The following ATP9B variants were observed in gnomAD, a reference collection of about 807,000 sequenced individuals.
The protein encoded by ATP9B is probable phospholipid-transporting ATPase IIB.
In ATP9B, 110 loss-of-function variants were observed where a neutral mutation model predicts 146.1. The ratio of observed to expected loss-of-function variants is 0.75; its 90% CI spans 0.65 to 0.88. ATP9B has a LOEUF of 0.88. Ranked by LOEUF, ATP9B falls within the 40% of genes least tolerant of loss-of-function variation. The probability of loss-of-function intolerance (pLI) is 0.00; values close to 1 mark genes in which losing one functional copy is unlikely to be tolerated. For missense variants in ATP9B, 1,499 were observed against 1,496.4 expected (o/e 1.00, Z -0.03); for synonymous variants, 604 against 569.7 (o/e 1.06, Z -0.86).
intron 13 of ATP9B, among the ~76,000 whole-genome samples, chr18:79,292,909 A>G (rs916699195): frequency 1.3e-5 from 2 of 152,076 alleles, no homozygotes; most frequent in Non-Finnish European, 2.9e-5. Context: ...GGCATGAGCT[A>G]TTACACCTGG....
chr18:79,363,611 C>T (rs1332178181), intron 26 of ATP9B: 3 of 152,274 alleles, frequency 2.0e-5, no homozygotes, highest in East Asian at 1.9e-4. Context: ...GTTTGAGAGA[C>T]GTAAACTGAT....
At chr18:79,280,978 A>G (rs979559975) in intron 13 of ATP9B, among the ~76,000 whole-genome samples, 2 of 152,228 alleles carry the variant, frequency 1.3e-5, no homozygotes, top group East Asian at 1.9e-4. Flanking sequence ...CAAGGTTTTT[A>G]TAGGAACTTT....
chr18:79,076,156 C>T (rs1263251888), intron 1 of ATP9B, among the ~76,000 whole-genome samples: 1 of 152,134 alleles, frequency 6.6e-6, no homozygotes, highest in East Asian at 1.9e-4. Flanking sequence ...AATTAGAACC[C>T]TATATCAGAC....
chr18:79,326,909 C>T (rs1350939894), intron 15 of ATP9B, among the ~76,000 whole-genome samples: 1 of 151,540 alleles, frequency 6.6e-6, no homozygotes, highest in Non-Finnish European at 1.5e-5. Context: ...TGCCCTCACA[C>T]CTCATTTCTC....
intron 4 of ATP9B, chr18:79,117,120 G>A (rs1330290811): frequency 6.6e-6 from 1 of 152,042 alleles, no homozygotes; most frequent in African/African-American, 2.4e-5. Context: ...TAACATAAAA[G>A]TTATGTATGT....
chr18:79,372,002 C>T (rs766692873), intron 26 of ATP9B, among the ~76,000 whole-genome samples: 3 of 152,218 alleles, frequency 2.0e-5, no homozygotes, highest in South Asian at 4.1e-4. Context: ...AAAATAGATG[C>T]GAAGGTGTCA....
chr18:79,334,107 C>G (rs1600118412), intron 17 of ATP9B, among the ~76,000 whole-genome samples: 1 of 152,108 alleles, frequency 6.6e-6, no homozygotes, highest in South Asian at 2.1e-4. Context: ...CCTGTAATCC[C>G]AGCACTTTGA....
In ATP9B at chr18:79,373,935, G is replaced by A; in HGVS notation, c.3108G>A (p.Glu1036=). ...ILMYGALVLF[E]SEFVHVVAIS... ...TGTATGGGGCCCTGGTGCTCTTCGA[G>A]TCTGAGTTCGTCCACGTGGTGGCCA... Residue 1036 remains glutamate (E), a synonymous_variant, in exon 28 of 30, where the codon GAG becomes GAA. Transcript: ENST00000426216. 6.2e-7 allele frequency: 1 copy of A among 1,613,524 alleles called. No individual in the cohort carries two copies. Among genetic ancestry groups the A allele is most frequent in the Non-Finnish European group, 8.5e-7 (1 of 1,180,018 alleles).
intron 11 of ATP9B, among the ~76,000 whole-genome samples, chr18:79,251,258 A>G (rs1462542079): frequency 6.6e-6 from 1 of 152,228 alleles, no homozygotes; most frequent in Non-Finnish European, 1.5e-5. Context: ...TGTGTTGGTC[A>G]TGGAACCCAC....
At chr18:79,122,076 T>G (rs774287480) in intron 4 of ATP9B, among the ~76,000 whole-genome samples, 3 of 152,184 alleles carry the variant, frequency 2.0e-5, no homozygotes, top group Non-Finnish European at 4.4e-5. Context: ...CCCTGGAAAT[T>G]AGAGGTAAAA....
intron 15 of ATP9B, among the ~76,000 whole-genome samples, chr18:79,314,543 C>A (rs768669554): frequency 6.6e-6 from 1 of 152,042 alleles, no homozygotes; most frequent in Non-Finnish European, 1.5e-5. Context: ...TGTGGTGATA[C>A]GATACTTGAA....
At chr18:79,314,983 G>A (rs1028250796) in intron 15 of ATP9B, among the ~76,000 whole-genome samples, 1 of 152,216 alleles carries the variant, frequency 6.6e-6, no homozygotes, top group African/African-American at 2.4e-5. Flanking sequence ...TCCAGAAAGA[G>A]TGACTGTGAT....
At chr18:79,359,223 AACTT>A in intron 25 of ATP9B, 127 bp from the exon 26 acceptor site, 1 of 643,688 alleles carries the variant, frequency 1.6e-6, no homozygotes, top group Non-Finnish European at 2.7e-6. Context: ...CTTGGTTGCC[AACTT>A]ACTTTGTTGG....
At chr18:79,080,118 A>G (rs139314429) in intron 1 of ATP9B, among the ~76,000 whole-genome samples, 35 of 152,286 alleles carry the variant, frequency 2.3e-4, no homozygotes, top group African/African-American at 6.0e-4. Context: ...TGTCTTGGCT[A>G]TGTGGGCTCT....
intron 13 of ATP9B, among the ~76,000 whole-genome samples, chr18:79,279,677 C>T (rs986358125): frequency 2.0e-5 from 3 of 152,098 alleles, no homozygotes. Context: ...TAAATGTAAA[C>T]AAAAATACGT....
At chr18:79,072,944 C>T (rs1274611993) in intron 1 of ATP9B, among the ~76,000 whole-genome samples, 1 of 152,048 alleles carries the variant, frequency 6.6e-6, no homozygotes, top group Non-Finnish European at 1.5e-5. Context: ...CTCGTCACAT[C>T]CCAGACGATG....
chr18:79,320,360 G>A (rs998314818), intron 15 of ATP9B, among the ~76,000 whole-genome samples: 1 of 152,120 alleles, frequency 6.6e-6, no homozygotes, highest in African/African-American at 2.4e-5. Flanking sequence ...CTGATCAGGT[G>A]GTCAGCAGGG....
chr18:79,128,926 T>C (rs974748303), intron 5 of ATP9B, among the ~76,000 whole-genome samples: 9 of 152,292 alleles, frequency 5.9e-5, no homozygotes, highest in African/African-American at 2.2e-4. Flanking sequence ...TCCCCACAAT[T>C]GTCCTGATCT....
chr18:79,093,466 A>G (rs2074519289), intron 1 of ATP9B, among the ~76,000 whole-genome samples: 1 of 152,194 alleles, frequency 6.6e-6, no homozygotes, highest in South Asian at 2.1e-4. Flanking sequence ...GGCTGCTTTC[A>G]AGATTTTTTC....
Sources: allele counts gnomAD v4.1 joint callset (sites outside exome capture counted in the v4.1 genomes callset), GRCh38; gene constraint gnomAD v4.1.1; transcripts MANE v1.5; gene names NCBI Gene and HGNC (gene_info 2026-07-23, HGNC 2026-07-21).